NAA35: variants seen among roughly 807,000 people sequenced by gnomAD.
NAA35 encodes the protein N-alpha-acetyltransferase 35, NatC auxiliary subunit, also known as MAK10 homolog, amino-acid N-acetyltransferase subunit.
Under a neutral mutation model 101.7 loss-of-function variants are expected in NAA35, and 18 were observed. The ratio of observed to expected loss-of-function variants is 0.18; its 90% confidence interval spans 0.12 to 0.26. The LOEUF is 0.26. Among genes scored for constraint, NAA35 ranks in the 10% least tolerant of loss-of-function variants. The pLI is 1.00. For synonymous variants in NAA35, 267 were observed against 273.1 expected (o/e 0.98, Z 0.22); for missense variants, 601 against 886.8 (o/e 0.68, Z 4.09).
At chr9:85,970,592 TATG>T (rs1354126752) in intron 6 of NAA35, among the ~76,000 whole-genome samples, 1 of 152,172 alleles carries the variant, frequency 6.6e-6, no homozygotes, top group Non-Finnish European at 1.5e-5. Flanking sequence ...TCCTATCAAA[TATG>T]ATATAACTTA....
intron 15 of NAA35, among the ~76,000 whole-genome samples, chr9:86,012,785 G>A (rs1030819028): frequency 6.6e-6 from 1 of 152,156 alleles, no homozygotes; most frequent in Non-Finnish European, 1.5e-5. Context: ...ATTGCAAGAA[G>A]ATATCTAAAG....
intron 15 of NAA35, among the ~76,000 whole-genome samples, chr9:86,012,420 C>G (rs1418985832): frequency 6.6e-6 from 1 of 152,146 alleles, no homozygotes; most frequent in African/African-American, 2.4e-5. Context: ...ACTTTCCACT[C>G]TCTAAAGAGT....
intron 6 of NAA35, among the ~76,000 whole-genome samples, chr9:85,973,125 C>T (rs1403261391): frequency 6.6e-6 from 1 of 151,960 alleles, no homozygotes; most frequent in Non-Finnish European, 1.5e-5. Context: ...GGTGTGGGAG[C>T]CGTGAGAGGA....
intron 5 of NAA35, among the ~76,000 whole-genome samples, chr9:85,960,374 C>T (rs1293463525): frequency 6.6e-6 from 1 of 152,152 alleles, no homozygotes; most frequent in Non-Finnish European, 1.5e-5. Context: ...CCCCCCCGCC[C>T]CACTTTCTGA....
intron 6 of NAA35, among the ~76,000 whole-genome samples, chr9:85,970,524 T>A (rs1036536568): frequency 1.3e-5 from 2 of 152,170 alleles, no homozygotes; most frequent in African/African-American, 4.8e-5. Flanking sequence ...TTGGACAGAT[T>A]GACACGTGCC....
Position 86,013,756 on chromosome 9 carries a change from T to G in NAA35, c.1427T>G (p.Leu476Trp). Residue 476 changes from leucine to tryptophan, a missense_variant, in exon 17 of 23, where the codon TTG (leucine) becomes TGG (tryptophan). By Grantham distance (61) the Leu-to-Trp change is moderately conservative (BLOSUM62 -2). Transcript: ENST00000361671. ...KVDAALHTML[L>W]KQEPQRQHLA... ...GATGCAGCGCTTCACACCATGCTGTTGAAACAGGAACCCCAAAGGCAACAT... is the reference window on the plus strand; with the variant it reads ...GATGCAGCGCTTCACACCATGCTGTGGAAACAGGAACCCCAAAGGCAACAT... 6.2e-7 allele frequency: 1 copy of G among 1,614,162 alleles called. No individual in the cohort carries two copies. The highest frequency in any genetic ancestry group is 1.1e-5 in the South Asian group (1 of 91,080).
rs1409277108 is a variant in NAA35, at chr9:86,017,640, T to C, written c.1773+75T>C. 2.6e-6 allele frequency: 3 copies of C among 1,167,388 alleles called. No homozygotes were observed. In the African/African-American group the frequency reaches 4.7e-5, roughly 18 times the overall value. 72.3% of individuals were successfully genotyped at this position (1,167,388 alleles called of 1,614,324 possible). A position where few individuals can be genotyped will look rare whatever the true frequency, so the allele number is the denominator to read the frequency against. On this transcript the variant is annotated intron_variant, in intron 19 of 22. Coordinates refer to ENST00000361671, the MANE Select transcript of NAA35 (RefSeq NM_024635.4). ...TATATAGTTTATTTAAACTGTTTTC[T>C]GTGATTCTTTCCATATTATAATTTC...
In NAA35 at chr9:85,943,702, G is replaced by A. The variant is rs1168238533; in HGVS notation, c.124+1419G>A. On this transcript the variant is annotated intron_variant, in intron 2 of 22. Transcript: ENST00000361671. ...CTCAGAGATCTTAGACTATTAAGTG[G>A]ATTATACCTGTCATCTTGCACTGAT... Among the ~76,000 whole-genome samples, 3 of 152,282 alleles carry A rather than the reference G, an allele frequency of 2.0e-5. No individual in the cohort carries two copies. In the East Asian group the frequency reaches 5.8e-4, roughly 29 times the overall value.
intron 11 of NAA35, among the ~76,000 whole-genome samples, chr9:85,994,069 A>G (rs1332555851): frequency 6.6e-6 from 1 of 151,990 alleles, no homozygotes; most frequent in Non-Finnish European, 1.5e-5. Context: ...ATTACATCCT[A>G]GGTTACTCTC....
rs368306894 is a variant in NAA35 at position 85,966,970 on chromosome 9, A to G, written c.516+4790A>G. Among the ~76,000 whole-genome samples, 14 of 152,236 alleles carry G rather than the reference A, an allele frequency of 9.2e-5. No homozygotes were observed. The South Asian group carries it at 2.1e-3, about 23-fold the overall frequency. On this transcript the variant is annotated intron_variant, in intron 6 of 22. Coordinates refer to ENST00000361671, the MANE Select transcript of NAA35 (RefSeq NM_024635.4). ...GAAAATACAAAAATTAGCTAGGCGTAGTGGCACATGCCTGTAGTCATACCT... is the reference window on the plus strand; with the variant it reads ...GAAAATACAAAAATTAGCTAGGCGTGGTGGCACATGCCTGTAGTCATACCT...
intron 21 of NAA35, among the ~76,000 whole-genome samples, chr9:86,020,131 T>G (rs563655391): frequency 6.6e-6 from 1 of 152,202 alleles, no homozygotes; most frequent in African/African-American, 2.4e-5. Flanking sequence ...GTATAAAATA[T>G]CTTTATAAAG....
chr9:85,951,928 G>A (rs1472080341), intron 2 of NAA35, among the ~76,000 whole-genome samples: 1 of 152,190 alleles, frequency 6.6e-6, no homozygotes, highest in Non-Finnish European at 1.5e-5. Flanking sequence ...CTCCCAAAAT[G>A]CTGGGATTAC....
At position 86,010,248 on chromosome 9, in the gene NAA35, C is replaced by CATAATA. The variant is rs544359131; in HGVS notation, c.1290+337_1290+342dup. On this transcript the variant is annotated intron_variant, in intron 15 of 22. Coordinates refer to ENST00000361671, the MANE Select transcript of NAA35 (RefSeq NM_024635.4). ...CAGAGTGAGACTTTGTCTCAATAAC[C>CATAATA]ATAATAATAATAATAATAATAATAA... Among the ~76,000 whole-genome samples the CATAATA allele has an allele frequency of 5.8e-4, 87 of 150,658 alleles. 1 individual carries two copies. The East Asian group carries it at 0.013, about 22-fold the overall frequency.
At chr9:85,960,832 G>A (rs1323020261) in intron 5 of NAA35, among the ~76,000 whole-genome samples, 1 of 152,210 alleles carries the variant, frequency 6.6e-6, no homozygotes, top group East Asian at 1.9e-4. Context: ...AAGAAAGGCT[G>A]TAGAAAGGAA....
At chr9:85,991,179 G>A (rs1405521203) in intron 11 of NAA35, among the ~76,000 whole-genome samples, 1 of 152,110 alleles carries the variant, frequency 6.6e-6, no homozygotes, top group Non-Finnish European at 1.5e-5. Context: ...AGGCAGTCTA[G>A]TACAGGGTTT....
Position 86,025,197 on chromosome 9 carries a change from C to T in NAA35, c.*3237C>T, listed in dbSNP as rs951977046. 1.3e-5 allele frequency among the ~76,000 whole-genome samples: 2 copies of T among 152,118 alleles called. No individual in the cohort carries two copies. Among genetic ancestry groups the T allele is most frequent in the African/African-American group, 2.4e-5 (1 of 41,420 alleles). ...CACTGGAAAAAGCCTGCAAAGGAGA[C>T]TTATCAGGAAAATAAGCAGAATGAG... On this transcript the variant is annotated 3_prime_UTR_variant, in exon 23 of 23. Coordinates refer to ENST00000361671, the MANE Select transcript of NAA35 (RefSeq NM_024635.4).
chr9:85,944,160 T>G (rs1564282142), intron 2 of NAA35, among the ~76,000 whole-genome samples: 1 of 152,128 alleles, frequency 6.6e-6, no homozygotes, highest in Non-Finnish European at 1.5e-5. Flanking sequence ...TGAGCTGGAG[T>G]CCTAACTCTG....
intron 6 of NAA35, among the ~76,000 whole-genome samples, chr9:85,972,657 C>T (rs1830047148): frequency 6.6e-6 from 1 of 152,012 alleles, no homozygotes. Flanking sequence ...TAGTGGCTGA[C>T]TCCTTTTAAA....
chr9:85,982,589 T>G (rs2118109490), intron 11 of NAA35, among the ~76,000 whole-genome samples: 1 of 152,330 alleles, frequency 6.6e-6, no homozygotes. Flanking sequence ...CAGTTGCCAA[T>G]GGAAATAATA....
Sources: allele counts gnomAD v4.1 joint callset (sites outside exome capture counted in the v4.1 genomes callset), GRCh38; gene constraint gnomAD v4.1.1; transcripts MANE v1.5; gene names NCBI Gene and HGNC (gene_info 2026-07-23, HGNC 2026-07-21).